SLIT2: variants seen among roughly 807,000 people sequenced by gnomAD.
The protein encoded by SLIT2 is slit guidance ligand 2.
In SLIT2, 41 loss-of-function variants were observed where a neutral mutation model predicts 185.7. The ratio of observed to expected loss-of-function variants is 0.22; its 90% CI spans 0.17 to 0.29. The LOEUF (loss-of-function observed/expected upper bound fraction) is 0.29. SLIT2 is among the 10% of genes least tolerant of loss of function. The pLI is 1.00. For missense variants in SLIT2, 1,571 were observed against 1,909.0 expected, an observed-to-expected ratio of 0.82 and a Z score of 3.30; for synonymous variants, 693 against 680.2, an observed-to-expected ratio of 1.02 and a Z score of -0.29.
rs1266304146 is a variant in SLIT2, at chr4:20,619,910, T to C, written c.*901T>C. On this transcript the variant is annotated 3_prime_UTR_variant, in exon 37 of 37. Coordinates refer to ENST00000504154, the MANE Select transcript of SLIT2 (RefSeq NM_004787.4). ...CATTTTTCAAACTTAAAAATCAGGA[T>C]TTTTTTTTTTTTTTTTTTGGCAATA... 2.3e-5 allele frequency: 1 copy of C among 43,916 alleles called. No homozygotes were observed. The highest frequency in any genetic ancestry group is 4.4e-4 in the East Asian group (1 of 2,270). 2.7% of individuals were successfully genotyped at this position (43,916 alleles called of 1,614,324 possible).
intron 4 of SLIT2, among the ~76,000 whole-genome samples, chr4:20,405,723 GT>G (rs1292541810): frequency 6.6e-6 from 1 of 151,574 alleles, no homozygotes; most frequent in African/African-American, 2.4e-5. Flanking sequence ...AGTTATTTCT[GT>G]TTTTGGCTAA....
intron 4 of SLIT2, among the ~76,000 whole-genome samples, chr4:20,410,789 T>A (rs973455996): frequency 6.6e-6 from 1 of 152,176 alleles, no homozygotes; most frequent in African/African-American, 2.4e-5. Context: ...TCTGTTCTTA[T>A]ACCAGTATCA....
intron 4 of SLIT2, among the ~76,000 whole-genome samples, chr4:20,377,264 T>C (rs554785038): frequency 8.6e-4 from 131 of 152,258 alleles, no homozygotes; most frequent in African/African-American, 2.9e-3. Flanking sequence ...TTACAGTTTG[T>C]ATATGAATGT....
At position 20,543,707 on chromosome 4, in the gene SLIT2, C is replaced by A. The variant is rs1000582387; in HGVS notation, c.2276+1081C>A. ...TCAAATCACATGCAATTCTTTAAACCCTAAGTTTGATCCTGAATAGAACAC... is the reference window on the plus strand; with the variant it reads ...TCAAATCACATGCAATTCTTTAAACACTAAGTTTGATCCTGAATAGAACAC... On this transcript the variant is annotated intron_variant, in intron 21 of 36. Coordinates refer to ENST00000504154, the MANE Select transcript of SLIT2 (RefSeq NM_004787.4). Among the ~76,000 whole-genome samples the A allele has an allele frequency of 2.0e-5, 3 of 151,926 alleles. No individual in the cohort carries two copies. The South Asian group carries it at 6.2e-4, about 32-fold the overall frequency.
intron 22 of SLIT2, among the ~76,000 whole-genome samples, chr4:20,547,363 C>G (rs771933484): frequency 2.0e-5 from 3 of 151,996 alleles, no homozygotes; most frequent in Non-Finnish European, 4.4e-5. Context: ...CTCGAAATGA[C>G]AAATGAGGAT....
chr4:20,456,428 G>A (rs974880878), intron 4 of SLIT2, among the ~76,000 whole-genome samples: 1 of 151,982 alleles, frequency 6.6e-6, no homozygotes, highest in African/African-American at 2.4e-5. Flanking sequence ...CTGTCCCTAA[G>A]AGCCAGCTTA....
intron 5 of SLIT2, among the ~76,000 whole-genome samples, chr4:20,475,199 A>G (rs953131317): frequency 6.6e-6 from 1 of 152,056 alleles, no homozygotes; most frequent in South Asian, 2.1e-4. Context: ...CACTGTGAAC[A>G]TTGTAGTGCC....
At chr4:20,538,098 T>G (rs561542710) in intron 18 of SLIT2, among the ~76,000 whole-genome samples, 31 of 152,320 alleles carry the variant, frequency 2.0e-4, no homozygotes, top group South Asian at 8.3e-4. Flanking sequence ...TAGCTGGGAC[T>G]ACAGGTGCCC....
intron 4 of SLIT2, among the ~76,000 whole-genome samples, chr4:20,420,849 T>G (rs1161305058): frequency 6.6e-6 from 1 of 152,136 alleles, no homozygotes; most frequent in African/African-American, 2.4e-5. Flanking sequence ...ACCAGAGAGC[T>G]TGTTCTTTCT....
At chr4:20,434,264 G>T (rs1729192587) in intron 4 of SLIT2, among the ~76,000 whole-genome samples, 1 of 152,072 alleles carries the variant, frequency 6.6e-6, no homozygotes, top group South Asian at 2.1e-4. Context: ...AAGGCCAGCA[G>T]ATCACGTGAG....
At chr4:20,421,432 A>G (rs1348519093) in intron 4 of SLIT2, among the ~76,000 whole-genome samples, 2 of 152,172 alleles carry the variant, frequency 1.3e-5, no homozygotes, top group African/African-American at 2.4e-5. Context: ...TCCCTTCACC[A>G]TATGTCTCTT....
chr4:20,576,356 G>A (rs757164383), intron 29 of SLIT2, among the ~76,000 whole-genome samples: 8 of 151,966 alleles, frequency 5.3e-5, no homozygotes, highest in Admixed American at 2.6e-4. Flanking sequence ...TGCTCACTTC[G>A]TATAGAAAGA....
chr4:20,380,874 T>C (rs1006238077), intron 4 of SLIT2, among the ~76,000 whole-genome samples: 2 of 152,064 alleles, frequency 1.3e-5, no homozygotes, highest in South Asian at 2.1e-4. Context: ...TCCAAATGTA[T>C]TGACAATTAC....
chr4:20,475,084 A>G (rs1715947592), intron 5 of SLIT2, among the ~76,000 whole-genome samples: 1 of 151,880 alleles, frequency 6.6e-6, no homozygotes, highest in Admixed American at 6.6e-5. Flanking sequence ...CATTCTGACT[A>G]CTCCTAGCAT....
intron 3 of SLIT2, among the ~76,000 whole-genome samples, chr4:20,267,861 A>T (rs967928418): frequency 1.3e-5 from 2 of 151,932 alleles, no homozygotes; most frequent in African/African-American, 4.8e-5. Context: ...AACTATATCC[A>T]GAAACTATAC....
At chr4:20,585,275 G>A (rs981203521) in intron 29 of SLIT2, among the ~76,000 whole-genome samples, 18 of 151,966 alleles carry the variant, frequency 1.2e-4, no homozygotes, top group East Asian at 1.2e-3. Context: ...TTGTTTTCTC[G>A]CCAAAACATA....
chr4:20,402,812 T>G (rs960577090), intron 4 of SLIT2, among the ~76,000 whole-genome samples: 1 of 151,850 alleles, frequency 6.6e-6, no homozygotes, highest in Non-Finnish European at 1.5e-5. Context: ...TTTTACTTTT[T>G]TAGTATTAAA....
In SLIT2 at chr4:20,589,812, A is replaced by G. The variant is rs1184820405; in HGVS notation, c.3182+75A>G. On this transcript the variant is annotated intron_variant, in intron 30 of 36. Coordinates refer to ENST00000504154, the MANE Select transcript of SLIT2 (RefSeq NM_004787.4). ...ATTTTAGGAGCCCTTCTCCTCCTTC[A>G]TCCTTAGCTTCACACCTCTGCTCAG... is the stretch of plus-strand genomic sequence containing the variant. 4 of 943,328 alleles carry G rather than the reference A, an allele frequency of 4.2e-6. No homozygotes were observed. The East Asian group carries it at 7.5e-5, about 18-fold the overall frequency. 58.4% of individuals were successfully genotyped at this position (943,328 alleles called of 1,614,324 possible). A position where few individuals can be genotyped will look rare whatever the true frequency, so the allele number is the denominator to read the frequency against.
intron 12 of SLIT2, among the ~76,000 whole-genome samples, chr4:20,519,768 G>T (rs1178340323): frequency 6.6e-6 from 1 of 151,836 alleles, no homozygotes; most frequent in Non-Finnish European, 1.5e-5. Flanking sequence ...AGTTGGAACC[G>T]AGAAAAATAT....
Sources: allele counts gnomAD v4.1 joint callset (sites outside exome capture counted in the v4.1 genomes callset), GRCh38; gene constraint gnomAD v4.1.1; transcripts MANE v1.5; gene names NCBI Gene and HGNC (gene_info 2026-07-23, HGNC 2026-07-21).